Variants in PTPRD observed in about 807,000 individuals in gnomAD.
PTPRD encodes receptor-type tyrosine-protein phosphatase delta.
Under a neutral mutation model 214.5 loss-of-function variants are expected in PTPRD, and 34 were observed. The observed-to-expected ratio is 0.16, with a 90% CI of 0.12 to 0.21. PTPRD has a LOEUF of 0.21. PTPRD is among the 10% of genes least tolerant of loss of function. The pLI is 1.00. For synonymous variants in PTPRD, 1,128 were observed against 845.7 expected, an observed-to-expected ratio of 1.33 and a Z score of -5.79; for missense variants, 2,545 against 2,398.7, an observed-to-expected ratio of 1.06 and a Z score of -1.27.
At chr9:9,984,338 AAGT>A (rs1218521070) in intron 4 of PTPRD, among the ~76,000 whole-genome samples, 1 of 152,188 alleles carries the variant, frequency 6.6e-6, no homozygotes, top group Non-Finnish European at 1.5e-5. Context: ...GACTGGGAAA[AAGT>A]AGCCACAGAA....
Position 9,774,132 on chromosome 9 carries a change from G to T in PTPRD, c.-367-7281C>A, listed in dbSNP as rs1429809569. 2.0e-5 allele frequency among the ~76,000 whole-genome samples: 3 copies of T among 152,148 alleles called. No homozygotes were observed. In the South Asian group the frequency reaches 6.2e-4, roughly 32 times the overall value. On this transcript the variant is annotated intron_variant, in intron 5 of 45. Transcript: ENST00000381196. ...TATACTGACAATGCTAAGGATATCG[G>T]AATCAAGAGTTCCAGGTCACAGTGT...
intron 3 of PTPRD, among the ~76,000 whole-genome samples, chr9:10,228,064 AT>A (rs2099595116): frequency 6.6e-6 from 1 of 151,984 alleles, no homozygotes; most frequent in African/African-American, 2.4e-5. Flanking sequence ...GCCCATTATG[AT>A]TAAAAGAGAT....
chr9:8,881,304 A>C (rs1292719512), intron 11 of PTPRD, among the ~76,000 whole-genome samples: 1 of 152,228 alleles, frequency 6.6e-6, no homozygotes, highest in Non-Finnish European at 1.5e-5. Context: ...ATTAATAACC[A>C]ATAGGAAAAC....
chr9:8,876,224 G>GTGTTGTTGTTGTTGT (rs5896271), intron 11 of PTPRD, among the ~76,000 whole-genome samples: 15 of 151,078 alleles, frequency 9.9e-5, no homozygotes, highest in South Asian at 4.2e-4. Flanking sequence ...ATGTGTGTGT[G>GTGTTGTTGTTGTTGT]TGTTGTTGTT....
chr9:8,507,851 C>A lies in PTPRD; in HGVS notation c.1544-417G>T, dbSNP rs116083269. On this transcript the variant is annotated intron_variant, in intron 21 of 45. Coordinates refer to ENST00000381196, the MANE Select transcript of PTPRD (RefSeq NM_002839.4). The stretch of plus-strand genomic sequence containing the variant: ...AACTGAGTAGGAACTTACTCTCTAG[C>A]ACTACATGTAACATTCAAAATTATT... Among the ~76,000 whole-genome samples, 466 of 152,242 alleles carry A rather than the reference C, an allele frequency of 3.1e-3. 1 individual carries two copies. The highest frequency in any genetic ancestry group is 0.011 in the African/African-American group (446 of 41,540).
intron 3 of PTPRD, among the ~76,000 whole-genome samples, chr9:10,274,093 G>C (rs1363764299): frequency 2.0e-5 from 3 of 152,030 alleles, no homozygotes; most frequent in Non-Finnish European, 4.4e-5. Flanking sequence ...GTAAATGAAA[G>C]CTCTGCCCAC....
At chr9:8,647,427 A>C (rs1307831319) in intron 12 of PTPRD, among the ~76,000 whole-genome samples, 1 of 152,152 alleles carries the variant, frequency 6.6e-6, no homozygotes, top group Admixed American at 6.5e-5. Flanking sequence ...TCGTACCATT[A>C]TTTTGTAACC....
At chr9:9,215,265 A>T (rs998158241) in intron 9 of PTPRD, among the ~76,000 whole-genome samples, 1 of 152,118 alleles carries the variant, frequency 6.6e-6, no homozygotes, top group Non-Finnish European at 1.5e-5. Context: ...GAGTAGTTTA[A>T]CCCAGGTTAT....
intron 8 of PTPRD, among the ~76,000 whole-genome samples, chr9:9,456,829 T>C (rs1471857157): frequency 6.6e-6 from 1 of 151,928 alleles, no homozygotes; most frequent in Admixed American, 6.6e-5. Flanking sequence ...TAATTTTAAC[T>C]CCTGAAGTTT....
intron 3 of PTPRD, among the ~76,000 whole-genome samples, chr9:10,038,403 A>C (rs972030990): frequency 1.3e-5 from 2 of 152,146 alleles, no homozygotes; most frequent in African/African-American, 4.8e-5. Flanking sequence ...CAACTTGTGA[A>C]AATATCCAAT....
At chr9:8,474,530 G>A (rs964410614) in intron 30 of PTPRD, among the ~76,000 whole-genome samples, 21 of 152,140 alleles carry the variant, frequency 1.4e-4, no homozygotes, top group Non-Finnish European at 2.1e-4. Context: ...AAAGCACAGG[G>A]CAGAATAATG....
chr9:8,709,156 A>G (rs2098272808), intron 12 of PTPRD, among the ~76,000 whole-genome samples: 1 of 152,130 alleles, frequency 6.6e-6, no homozygotes, highest in African/African-American at 2.4e-5. Flanking sequence ...CTTAAGAGGA[A>G]TAAGTTCAAC....
chr9:9,561,565 A>T (rs573454302), intron 8 of PTPRD, among the ~76,000 whole-genome samples: 1 of 152,250 alleles, frequency 6.6e-6, no homozygotes, highest in Admixed American at 6.5e-5. Context: ...AAGCAAATGG[A>T]CAAGTATAAA....
chr9:8,534,867 C>A (rs991662981), intron 14 of PTPRD, among the ~76,000 whole-genome samples: 3 of 151,810 alleles, frequency 2.0e-5, no homozygotes. Flanking sequence ...ATGAAAATTA[C>A]ACCATATATT....
At chr9:10,390,751 T>G (rs1182799705) in intron 2 of PTPRD, among the ~76,000 whole-genome samples, 4 of 151,742 alleles carry the variant, frequency 2.6e-5, no homozygotes, top group African/African-American at 7.3e-5. Flanking sequence ...TGGAATAGAC[T>G]AATTCCCCAG....
chr9:9,421,398 G>C (rs1437239714), intron 8 of PTPRD, among the ~76,000 whole-genome samples: 3 of 151,922 alleles, frequency 2.0e-5, no homozygotes, highest in Non-Finnish European at 1.5e-5. Flanking sequence ...CTATTTCTTA[G>C]GAATCACGAG....
intron 12 of PTPRD, among the ~76,000 whole-genome samples, chr9:8,707,821 CCA>C (rs1451452647): frequency 6.6e-6 from 1 of 152,198 alleles, no homozygotes; most frequent in East Asian, 1.9e-4. Flanking sequence ...ATAATGCATA[CCA>C]CAGTGTTCAC....
chr9:9,596,193 G>C (rs1008396831), intron 7 of PTPRD, among the ~76,000 whole-genome samples: 7 of 151,816 alleles, frequency 4.6e-5, no homozygotes, highest in Non-Finnish European at 1.0e-4. Flanking sequence ...AGTCCCATGT[G>C]TCAAAATGCC....
chr9:9,184,812 A>G (rs1273921088), intron 9 of PTPRD, among the ~76,000 whole-genome samples: 1 of 152,028 alleles, frequency 6.6e-6, no homozygotes, highest in Non-Finnish European at 1.5e-5. Context: ...AAAATAACTT[A>G]AATCTTATGT....
Sources: gnomAD v4.1 joint callset for allele counts (sites outside exome capture counted in the v4.1 genomes callset) on GRCh38, gnomAD v4.1.1 for gene constraint, MANE v1.5 for transcripts, NCBI Gene and HGNC (gene_info 2026-07-23, HGNC 2026-07-21) for gene names.